DYRK1A: variants seen among roughly 807,000 people sequenced by gnomAD.
DYRK1A encodes the protein dual specificity tyrosine phosphorylation regulated kinase 1A, also known as dual specificity tyrosine-phosphorylation-regulated kinase 1A.
Under a neutral mutation model 79.7 loss-of-function variants are expected in DYRK1A, and 9 were observed. The observed-to-expected ratio is 0.11, with a 90% CI of 0.07 to 0.20. DYRK1A has a LOEUF of 0.20. DYRK1A is among the 10% of genes least tolerant of loss of function. The probability of loss-of-function intolerance (pLI) is 1.00; values close to 1 mark genes in which losing one functional copy is unlikely to be tolerated. For synonymous variants in DYRK1A, 349 were observed against 329.7 expected, an observed-to-expected ratio of 1.06 and a Z score of -0.63; for missense variants, 622 against 956.0, an observed-to-expected ratio of 0.65 and a Z score of 4.61.
chr21:37,391,721 C>G lies in DYRK1A; in HGVS notation c.-77+24093C>G, dbSNP rs1000078077. Among the ~76,000 whole-genome samples, 5 of 152,170 alleles carry G rather than the reference C, an allele frequency of 3.3e-5. No individual in the cohort carries two copies. The South Asian group carries it at 1.0e-3, about 32-fold the overall frequency. On this transcript the variant is annotated intron_variant, in intron 1 of 11. Coordinates refer to ENST00000647188, the MANE Select transcript of DYRK1A (RefSeq NM_001347721.2). ...AAACTATTCAGATTCTCTTGATAAC[C>G]TAGCCCTAGTTTATCTTTCCGTTTT...
At chr21:37,417,615 T>C (rs528159882) in intron 1 of DYRK1A, among the ~76,000 whole-genome samples, 85 of 142,280 alleles carry the variant, frequency 6.0e-4, no homozygotes, top group African/African-American at 1.9e-3. Flanking sequence ...AACCCCTGCC[T>C]GTGGAATACA....
intron 2 of DYRK1A, among the ~76,000 whole-genome samples, chr21:37,458,108 T>C (rs971538631): frequency 2.6e-5 from 4 of 152,208 alleles, no homozygotes; most frequent in Non-Finnish European, 4.4e-5. Context: ...CCTTTCAACT[T>C]TTGAATGGCT....
chr21:37,503,611 C>G (rs988979128), intron 9 of DYRK1A: 1 of 152,192 alleles, frequency 6.6e-6, no homozygotes, highest in African/African-American at 2.4e-5. Flanking sequence ...TTTGTAGGAA[C>G]GGGGTCTGGC....
chr21:37,427,969 T>C (rs2050673771), intron 2 of DYRK1A, among the ~76,000 whole-genome samples: 1 of 152,154 alleles, frequency 6.6e-6, no homozygotes, highest in South Asian at 2.1e-4. Context: ...AAGTTTCTCA[T>C]TGAACCCTTA....
intron 2 of DYRK1A, among the ~76,000 whole-genome samples, chr21:37,449,135 TGTATTA>T (rs2051364107): frequency 6.6e-6 from 1 of 152,234 alleles, no homozygotes. Flanking sequence ...TAGTTTTGTT[TGTATTA>T]GTTCAAGTCC....
intron 6 of DYRK1A, chr21:37,488,745 C>G: frequency 2.0e-6 from 2 of 985,348 alleles, no homozygotes; most frequent in Non-Finnish European, 2.4e-6. Context: ...GATCACAGAG[C>G]TTCTTAAAGG....
At chr21:37,407,378 A>G (rs1182880316) in intron 1 of DYRK1A, among the ~76,000 whole-genome samples, 1 of 152,152 alleles carries the variant, frequency 6.6e-6, no homozygotes, top group Non-Finnish European at 1.5e-5. Flanking sequence ...TGGTGGCATC[A>G]TGTCTGTGCT....
chr21:37,488,964 T>C (rs1203114885), intron 6 of DYRK1A: 1 of 728,730 alleles, frequency 1.4e-6, no homozygotes, highest in Non-Finnish European at 1.7e-6. Context: ...CCTTTTGTTA[T>C]TTTTAGTATC....
chr21:37,526,305 G>A lies in DYRK1A; in HGVS notation c.*13774G>A, dbSNP rs922146962. On this transcript the variant is annotated 3_prime_UTR_variant, in exon 12 of 12. Transcript: ENST00000647188. Reference sequence around the variant, plus strand: ...AAGAAAAATTTAATAGAGTCTAATAGAATCTTATAAAAATGTATAAATGTG... The same window carrying A: ...AAGAAAAATTTAATAGAGTCTAATAAAATCTTATAAAAATGTATAAATGTG... The A allele has an allele frequency of 6.6e-6, 1 of 152,122 alleles. No individual in the cohort carries two copies. The highest frequency in any genetic ancestry group is 2.4e-5 in the African/African-American group (1 of 41,426). The allele number at this position is 152,122 out of a possible 1,614,324, so 9.4% of individuals were successfully genotyped here.
At chr21:37,416,591 C>T (rs541674707) in intron 1 of DYRK1A, among the ~76,000 whole-genome samples, 1 of 151,910 alleles carries the variant, frequency 6.6e-6, no homozygotes, top group Non-Finnish European at 1.5e-5. Flanking sequence ...AAAGTACTTT[C>T]TTCTGTCACT....
intron 2 of DYRK1A, chr21:37,464,328 A>G: frequency 2.1e-6 from 1 of 480,662 alleles, no homozygotes; most frequent in South Asian, 1.6e-5. Context: ...TTGCTAGAAC[A>G]TAGTAACGTG....
chr21:37,435,653 T>G lies in DYRK1A; in HGVS notation c.10+15269T>G, dbSNP rs116124869. Among the ~76,000 whole-genome samples, 409 of 152,308 alleles carry G rather than the reference T, an allele frequency of 2.7e-3. 2 individuals carry two copies. Among genetic ancestry groups the G allele is most frequent in the African/African-American group, 9.2e-3 (384 of 41,574 alleles). ...CACAGGTTTCCTAAAACTGTGAAAC[T>G]GATCATTTTTTTCAGATCAGAAACA... On this transcript the variant is annotated intron_variant, in intron 2 of 11. Transcript: ENST00000647188.
At chr21:37,380,448 A>T (rs1210563622) in intron 1 of DYRK1A, among the ~76,000 whole-genome samples, 1 of 151,984 alleles carries the variant, frequency 6.6e-6, no homozygotes, top group Non-Finnish European at 1.5e-5. Flanking sequence ...AATTTAAAAC[A>T]TCAGTAAAGC....
intron 2 of DYRK1A, among the ~76,000 whole-genome samples, chr21:37,429,618 C>G (rs549736530): frequency 6.6e-6 from 1 of 152,282 alleles, no homozygotes; most frequent in South Asian, 2.1e-4. Flanking sequence ...CCCCTGTGAT[C>G]CAATCACCTT....
intron 1 of DYRK1A, among the ~76,000 whole-genome samples, chr21:37,374,798 C>T (rs2049504564): frequency 1.3e-5 from 2 of 152,170 alleles, no homozygotes; most frequent in African/African-American, 2.4e-5. Flanking sequence ...CGTGATCCGC[C>T]TGCCTTGGCC....
chr21:37,516,175 A>G lies in DYRK1A; in HGVS notation c.*3644A>G, dbSNP rs1237249510. Reference sequence around the variant, plus strand: ...AAGACTCATTTTTATGTCCATTTTTATAGTGGTAGACTGTATGTAATAGAC... The same window carrying G: ...AAGACTCATTTTTATGTCCATTTTTGTAGTGGTAGACTGTATGTAATAGAC... On this transcript the variant is annotated 3_prime_UTR_variant, in exon 12 of 12. Transcript: ENST00000647188. 6.6e-6 allele frequency: 1 copy of G among 152,166 alleles called. No individual in the cohort carries two copies. Among genetic ancestry groups the G allele is most frequent in the African/African-American group, 2.4e-5 (1 of 41,442 alleles). 9.4% of individuals were successfully genotyped at this position (152,166 alleles called of 1,614,324 possible).
At chr21:37,458,764 G>T (rs1230443828) in intron 2 of DYRK1A, among the ~76,000 whole-genome samples, 1 of 152,208 alleles carries the variant, frequency 6.6e-6, no homozygotes, top group Non-Finnish European at 1.5e-5. Flanking sequence ...CGCCGCAGAG[G>T]AATGTGAGAT....
At position 37,521,666 on chromosome 21, in the gene DYRK1A, T is replaced by C. The variant is rs2053936047; in HGVS notation, c.*9135T>C. 1 of 152,252 alleles carries C rather than the reference T, an allele frequency of 6.6e-6. No homozygotes were observed. The highest frequency in any genetic ancestry group is 2.1e-4 in the South Asian group (1 of 4,828). 9.4% of individuals were successfully genotyped at this position (152,252 alleles called of 1,614,324 possible). ...CCCAAGGAACTGAAGTTCTAGCTGA[T>C]ACCTAATGGAGGAATGGGTGTTATC... On this transcript the variant is annotated 3_prime_UTR_variant, in exon 12 of 12. Transcript: ENST00000647188.
chr21:37,481,856 A>G (rs1321545215), intron 5 of DYRK1A, among the ~76,000 whole-genome samples: 2 of 151,976 alleles, frequency 1.3e-5, no homozygotes, highest in Non-Finnish European at 2.9e-5. Context: ...TTTAAAAAAA[A>G]AAAATGTTAG....
Sources: gnomAD v4.1 joint callset for allele counts (sites outside exome capture counted in the v4.1 genomes callset) on GRCh38, gnomAD v4.1.1 for gene constraint, MANE v1.5 for transcripts, NCBI Gene and HGNC (gene_info 2026-07-23, HGNC 2026-07-21) for gene names.